Variants in NME7 observed in about 807,000 individuals in gnomAD.
NME7 encodes the protein nucleoside diphosphate kinase 7.
NME7 carries 41 observed loss-of-function variants against 49.1 expected under a neutral mutation model. The observed-to-expected ratio is 0.83, with a 90% CI of 0.65 to 1.08. The LOEUF is 1.08. Ranked by LOEUF, NME7 falls within the 50% of genes least tolerant of loss-of-function variation. The pLI is 0.00. For synonymous variants in NME7, 139 were observed against 150.6 expected (o/e 0.92, Z 0.56); for missense variants, 423 against 463.4 (o/e 0.91, Z 0.80).
intron 3 of NME7, among the ~76,000 whole-genome samples, chr1:169,312,133 C>G (rs1166962460): frequency 6.6e-6 from 1 of 152,198 alleles, no homozygotes; most frequent in Non-Finnish European, 1.5e-5. Flanking sequence ...GTAGGCTGTG[C>G]AATGGTTTCA....
intron 1 of NME7, among the ~76,000 whole-genome samples, chr1:169,364,102 A>G (rs1197868974): frequency 1.6e-4 from 24 of 152,200 alleles, no homozygotes; most frequent in Admixed American, 1.6e-3. Context: ...ATTACTTTGT[A>G]TTCTCTCAGA....
intron 7 of NME7, among the ~76,000 whole-genome samples, chr1:169,275,478 C>CAAAAAA (rs57449323): frequency 1.0e-4 from 3 of 29,874 alleles, no homozygotes; most frequent in Non-Finnish European, 2.0e-4. Context: ...AACTCCGTCT[C>CAAAAAA]AAAAAAAAAA....
At chr1:169,163,840 G>A (rs1276346575) in intron 11 of NME7, among the ~76,000 whole-genome samples, 1 of 152,128 alleles carries the variant, frequency 6.6e-6, no homozygotes, top group Non-Finnish European at 1.5e-5. Context: ...GCCAGGCGTG[G>A]TAGCTTACAT....
chr1:169,305,839 G>T (rs1033295897), intron 4 of NME7, among the ~76,000 whole-genome samples: 1 of 152,114 alleles, frequency 6.6e-6, no homozygotes, highest in African/African-American at 2.4e-5. Flanking sequence ...AAAGTCTTTT[G>T]TCTCTGACCC....
At chr1:169,273,970 T>C (rs1649597088) in intron 7 of NME7, among the ~76,000 whole-genome samples, 1 of 132,760 alleles carries the variant, frequency 7.5e-6, no homozygotes, top group Non-Finnish European at 1.8e-5. Flanking sequence ...CCTTTAGGTA[T>C]ATATTATACC....
intron 4 of NME7, among the ~76,000 whole-genome samples, chr1:169,309,444 A>G (rs1651299028): frequency 6.6e-6 from 1 of 152,214 alleles, no homozygotes; most frequent in African/African-American, 2.4e-5. Context: ...CACCAGCACC[A>G]TGACAGCTGA....
chr1:169,346,811 A>G (rs1241648615), intron 1 of NME7, among the ~76,000 whole-genome samples: 1 of 152,206 alleles, frequency 6.6e-6, no homozygotes, highest in Non-Finnish European at 1.5e-5. Flanking sequence ...AAATTTAGAA[A>G]GCAGAACTCT....
At position 169,272,935 on chromosome 1, in the gene NME7, T is replaced by C. The variant is rs1649541448; in HGVS notation, c.754+14368A>G. Among the ~76,000 whole-genome samples the C allele has an allele frequency of 2.2e-5, 3 of 133,514 alleles. 1 individual carries two copies. The highest frequency in any genetic ancestry group is 3.5e-5 in the Non-Finnish European group (2 of 56,756). 87.6% of individuals were successfully genotyped at this position (133,514 alleles called of 152,430 possible). ...GTAACAGTGTAAAAGTGTTCCTTTT[T>C]CTCCACAGCCTCACCAGCAACGGCT... On this transcript the variant is annotated intron_variant, in intron 7 of 11. Transcript: ENST00000367811.
chr1:169,231,450 G>C (rs1647614770), intron 9 of NME7, among the ~76,000 whole-genome samples: 1 of 152,130 alleles, frequency 6.6e-6, no homozygotes, highest in Admixed American at 6.6e-5. Flanking sequence ...GAGTTGAAAA[G>C]ACAAAGATTG....
intron 7 of NME7, among the ~76,000 whole-genome samples, chr1:169,250,433 T>G (rs1648514690): frequency 6.6e-6 from 1 of 152,068 alleles, no homozygotes; most frequent in Non-Finnish European, 1.5e-5. Context: ...TCATTGATCT[T>G]TGGTATTTTT....
At chr1:169,250,016 CTTAATCT>C (rs1252915907) in intron 7 of NME7, among the ~76,000 whole-genome samples, 1 of 151,920 alleles carries the variant, frequency 6.6e-6, no homozygotes, top group African/African-American at 2.4e-5. Flanking sequence ...ATCCCTCTTT[CTTAATCT>C]TTTGGAATAG....
At chr1:169,262,894 G>A (rs990460631) in intron 7 of NME7, among the ~76,000 whole-genome samples, 2 of 133,188 alleles carry the variant, frequency 1.5e-5, no homozygotes, top group African/African-American at 5.1e-5. Context: ...GCTAGGATAG[G>A]GCTTGTCACT....
chr1:169,325,146 G>A (rs997950814), intron 1 of NME7, among the ~76,000 whole-genome samples: 2 of 152,046 alleles, frequency 1.3e-5, no homozygotes, highest in Non-Finnish European at 2.9e-5. Context: ...TAGAAAAGCC[G>A]ATAAAAACAA....
chr1:169,210,067 C>A (rs1045098102), intron 10 of NME7, among the ~76,000 whole-genome samples: 9 of 152,176 alleles, frequency 5.9e-5, no homozygotes, highest in Admixed American at 6.5e-5. Flanking sequence ...GTGGACAGAG[C>A]CAATGTCTAT....
In NME7 at chr1:169,159,737, G is replaced by A. The variant is rs80327189; in HGVS notation, c.1098+9710C>T. Reference sequence around the variant, plus strand: ...AGAATCTCTGGCCAGGAGGGTAGGAGTAGTTCTATCCTTTGTCCCAGTGCT... The same window carrying A: ...AGAATCTCTGGCCAGGAGGGTAGGAATAGTTCTATCCTTTGTCCCAGTGCT... On this transcript the variant is annotated intron_variant, in intron 11 of 11. Coordinates refer to ENST00000367811, the MANE Select transcript of NME7 (RefSeq NM_013330.5). 5.6e-3 allele frequency among the ~76,000 whole-genome samples: 859 copies of A among 152,302 alleles called. 3 individuals are homozygous for A. Among genetic ancestry groups the A allele is most frequent in the Non-Finnish European group, 8.2e-3 (559 of 68,030 alleles).
intron 1 of NME7, among the ~76,000 whole-genome samples, chr1:169,366,417 A>G (rs754965373): frequency 9.9e-5 from 15 of 152,224 alleles, no homozygotes; most frequent in Non-Finnish European, 1.6e-4. Context: ...GATAGATAGG[A>G]GGACTAGGAA....
intron 11 of NME7, among the ~76,000 whole-genome samples, chr1:169,157,775 A>G (rs904062583): frequency 6.6e-6 from 1 of 152,134 alleles, no homozygotes. Context: ...AAGCAAAACA[A>G]TCCCTTTGCT....
At chr1:169,269,633 T>C (rs946528198) in intron 7 of NME7, among the ~76,000 whole-genome samples, 2 of 133,118 alleles carry the variant, frequency 1.5e-5, no homozygotes, top group African/African-American at 5.1e-5. Flanking sequence ...CAGTGGATAG[T>C]AAAACTCTGA....
chr1:169,365,849 G>C (rs1408676502), intron 1 of NME7, among the ~76,000 whole-genome samples: 2 of 152,210 alleles, frequency 1.3e-5, no homozygotes, highest in African/African-American at 2.4e-5. Context: ...CTGAATATGG[G>C]AGAAATAGAA....
Sources: allele counts gnomAD v4.1 joint callset (sites outside exome capture counted in the v4.1 genomes callset), GRCh38; gene constraint gnomAD v4.1.1; transcripts MANE v1.5; gene names NCBI Gene and HGNC (gene_info 2026-07-23, HGNC 2026-07-21).